TGIF2: variants seen among roughly 807,000 people sequenced by gnomAD.
TGIF2 encodes the protein TGFB induced factor homeobox 2.
A neutral mutation model predicts 15.1 loss-of-function variants in TGIF2; 5 were observed. The ratio of observed to expected loss-of-function variants is 0.33; its 90% CI spans 0.17 to 0.70. The LOEUF is 0.70. TGIF2 is among the 30% of genes least tolerant of loss of function. The pLI is 0.67. For synonymous variants in TGIF2, 131 were observed against 128.9 expected, an observed-to-expected ratio of 1.02 and a Z score of -0.11; for missense variants, 264 against 302.5, an observed-to-expected ratio of 0.87 and a Z score of 0.94.
intron 2 of TGIF2, among the ~76,000 whole-genome samples, chr20:36,581,871 C>T (rs2038552582): frequency 1.3e-5 from 2 of 152,160 alleles, no homozygotes; most frequent in Non-Finnish European, 2.9e-5. Flanking sequence ...TCAAGTAATC[C>T]GTCCACCTCA....
At chr20:36,587,056 C>T (rs760107605) in intron 2 of TGIF2, among the ~76,000 whole-genome samples, 1 of 152,162 alleles carries the variant, frequency 6.6e-6, no homozygotes, top group South Asian at 2.1e-4. Context: ...TCACTTTGAC[C>T]TTCTTCCTAC....
At chr20:36,584,551 A>AT (rs2038613362) in intron 2 of TGIF2, among the ~76,000 whole-genome samples, 7 of 150,906 alleles carry the variant, frequency 4.6e-5, no homozygotes, top group African/African-American at 1.7e-4. Context: ...TTTATTAATT[A>AT]ATTTTTTTTT....
intron 2 of TGIF2, among the ~76,000 whole-genome samples, chr20:36,586,697 C>G (rs865963794): frequency 1.2e-4 from 17 of 144,716 alleles, no homozygotes; most frequent in African/African-American, 1.6e-4. Flanking sequence ...TCCATTTCCC[C>G]CCCCCCAAAA....
intron 2 of TGIF2, among the ~76,000 whole-genome samples, chr20:36,585,240 G>C (rs1043681548): frequency 1.3e-5 from 2 of 151,878 alleles, no homozygotes; most frequent in Non-Finnish European, 2.9e-5. Flanking sequence ...TCTCACGCCT[G>C]TAATCCCAAC....
chr20:36,577,014 T>A (rs1240709614), intron 1 of TGIF2, among the ~76,000 whole-genome samples: 2 of 151,690 alleles, frequency 1.3e-5, no homozygotes, highest in Admixed American at 6.6e-5. Context: ...ATTTTTTTTT[T>A]ATTATTTTAT....
chr20:36,590,883 T>C (rs781583190), intron 2 of TGIF2, 27 bp from the exon 3 acceptor site: 4 of 1,502,322 alleles, frequency 2.7e-6, no homozygotes, highest in Non-Finnish European at 2.7e-6. Flanking sequence ...ATTAAGCAAA[T>C]TGATCGGTCT....
rs1419951205 is a variant in TGIF2 at position 36,591,076 on chromosome 20, C to T, written c.359C>T (p.Ala120Val). ...SPSVLAVSVP[A>V]PTNVLSLSVC... ...TCAGTGCTGGCTGTGTCTGTCCCAG[C>T]CCCCACCAATGTGCTCTCCCTGTCT... Residue 120 changes from alanine to valine, a missense_variant, in exon 3 of 3, where the codon GCC becomes GTC. Transcript: ENST00000373872. This position sits in a 1 kb window ranked among gnomAD's most constrained non-coding sequence, Gnocchi z 5.3. The T allele has an allele frequency of 6.3e-7, 1 of 1,597,344 alleles. No homozygotes were observed. Among genetic ancestry groups the T allele is most frequent in the East Asian group, 2.3e-5 (1 of 44,442 alleles).
chr20:36,589,759 G>A (rs1319586387), intron 2 of TGIF2, among the ~76,000 whole-genome samples: 1 of 152,142 alleles, frequency 6.6e-6, no homozygotes, highest in Non-Finnish European at 1.5e-5. Flanking sequence ...CACAGTCACA[G>A]CTCACTGCAG....
At chr20:36,581,506 T>C (rs1255297879) in intron 2 of TGIF2, among the ~76,000 whole-genome samples, 3 of 152,182 alleles carry the variant, frequency 2.0e-5, no homozygotes, top group Non-Finnish European at 4.4e-5. Context: ...TTGGGGCTGC[T>C]GCTTATATTC....
intron 2 of TGIF2, among the ~76,000 whole-genome samples, chr20:36,582,005 G>A (rs1385336776): frequency 6.6e-6 from 1 of 152,120 alleles, no homozygotes; most frequent in East Asian, 1.9e-4. Flanking sequence ...CGAGGCCGAT[G>A]CGGGCGGATC....
At chr20:36,574,476 C>G (rs926080560) in intron 1 of TGIF2, 1 of 150,846 alleles carries the variant, frequency 6.6e-6, no homozygotes, top group Non-Finnish European at 1.5e-5. Context: ...GGAGCCCAGC[C>G]CCCTCCCCTC....
Position 36,587,749 on chromosome 20 carries a change from G to A in TGIF2, c.193-3161G>A, listed in dbSNP as rs150890737. Among the ~76,000 whole-genome samples the A allele has an allele frequency of 2.7e-4, 41 of 152,246 alleles. 2 individuals carry two copies. The East Asian group carries it at 7.9e-3, about 29-fold the overall frequency. Reference sequence around the variant, plus strand: ...CCTGTGTGATAGGCTGAGATTGAATGAATAATTAGATATGAAATGTGAATA... The same window carrying A: ...CCTGTGTGATAGGCTGAGATTGAATAAATAATTAGATATGAAATGTGAATA... On this transcript the variant is annotated intron_variant, in intron 2 of 2. Transcript: ENST00000373872.
intron 2 of TGIF2, among the ~76,000 whole-genome samples, chr20:36,579,388 G>A (rs2038498614): frequency 6.6e-6 from 1 of 152,018 alleles, no homozygotes; most frequent in African/African-American, 2.4e-5. Flanking sequence ...GGCCAGGCTG[G>A]TCTCGAACTC....
At position 36,591,350 on chromosome 20, in the gene TGIF2, G is replaced by T; in HGVS notation, c.633G>T (p.Glu211Asp). The part of the protein sequence containing the change: ...LVEVALQRAA[E>D]MELQKQQDPS... ...AGGTGGCGCTACAGAGGGCTGCTGAGATGGAGCTTCAGAAGCAGCAGGACC... is the reference window on the plus strand; with the variant it reads ...AGGTGGCGCTACAGAGGGCTGCTGATATGGAGCTTCAGAAGCAGCAGGACC... The change falls in exon 3 of 3, where the codon GAG becomes GAT. Residue 211 changes from glutamate (E) to aspartate (D), a missense_variant. Coordinates refer to ENST00000373872, the MANE Select transcript of TGIF2 (RefSeq NM_021809.7). The surrounding 1 kb of genome is among the most constrained non-coding windows in gnomAD (Gnocchi z 5.3). The T allele has an allele frequency of 6.2e-7, 1 of 1,614,190 alleles. No individual in the cohort carries two copies. Among genetic ancestry groups the T allele is most frequent in the Non-Finnish European group, 8.5e-7 (1 of 1,180,046 alleles).
chr20:36,577,366 A>AT lies in TGIF2; in HGVS notation c.-34-1360dup, dbSNP rs35988271. ...AGGTGTGTGCCACCACACCTAGCTA[A>AT]TTTTTTTTTTTTTTTGGTATTTTTA... is the stretch of plus-strand genomic sequence containing the variant. On this transcript the variant is annotated intron_variant, in intron 1 of 2. Coordinates refer to ENST00000373872, the MANE Select transcript of TGIF2 (RefSeq NM_021809.7). Among the ~76,000 whole-genome samples, 46 of 143,576 alleles carry AT rather than the reference A, an allele frequency of 3.2e-4. 1 individual carries two copies. The highest frequency in any genetic ancestry group is 3.6e-3 in the Middle Eastern group (1 of 280). The allele number at this position is 143,576 out of a possible 152,430, so 94.2% of individuals were successfully genotyped here.
intron 2 of TGIF2, among the ~76,000 whole-genome samples, chr20:36,586,385 TC>T (rs2038658691): frequency 6.6e-6 from 1 of 151,854 alleles, no homozygotes; most frequent in Admixed American, 6.6e-5. Flanking sequence ...GAGGGGGAAA[TC>T]ACTAACAGTT....
intron 1 of TGIF2, among the ~76,000 whole-genome samples, chr20:36,575,217 C>T (rs2037062770): frequency 6.6e-6 from 1 of 151,794 alleles, no homozygotes; most frequent in South Asian, 2.1e-4. Context: ...GCGATGGGTC[C>T]GGGCCAGTTA....
In TGIF2 at chr20:36,592,513, C is replaced by G. The variant is rs1425825397; in HGVS notation, c.*1082C>G. 4 of 152,482 alleles carry G rather than the reference C, an allele frequency of 2.6e-5. No individual in the cohort carries two copies. The allele number at this position is 152,482 out of a possible 1,614,324, so 9.4% of individuals were successfully genotyped here. A position where few individuals can be genotyped will look rare whatever the true frequency, so the allele number is the denominator to read the frequency against. On this transcript the variant is annotated 3_prime_UTR_variant, in exon 3 of 3. Coordinates refer to ENST00000373872, the MANE Select transcript of TGIF2 (RefSeq NM_021809.7). ...GCCCATATGTCAGAAGCTCCCAGCA[C>G]CTCCTACTTGGGAGAAAAGTGAGCC...
chr20:36,575,779 G>A (rs1169658743), intron 1 of TGIF2, among the ~76,000 whole-genome samples: 1 of 152,164 alleles, frequency 6.6e-6, no homozygotes. Context: ...CATCAGCCTG[G>A]CCTAGAACTT....
Sources: gnomAD v4.1 joint callset for allele counts (sites outside exome capture counted in the v4.1 genomes callset) on GRCh38, gnomAD v4.1.1 for gene constraint, Gnocchi (gnomAD v3.1) non-coding constraint, MANE v1.5 for transcripts, NCBI Gene and HGNC (gene_info 2026-07-23, HGNC 2026-07-21) for gene names.